Variants in CNTNAP2 observed in about 807,000 individuals in gnomAD.
The protein encoded by CNTNAP2 is contactin-associated protein-like 2.
In CNTNAP2, 98 loss-of-function variants were observed where a neutral mutation model predicts 155.2. The ratio of observed to expected loss-of-function variants is 0.63; its 90% CI spans 0.54 to 0.75. The LOEUF is 0.75. Among genes scored for constraint, CNTNAP2 ranks in the 30% least tolerant of loss-of-function variants. The pLI, the probability that CNTNAP2 is intolerant of heterozygous loss-of-function variation, is 0.00. For synonymous variants in CNTNAP2, 651 were observed against 631.2 expected (o/e 1.03, Z -0.47); for missense variants, 1,727 against 1,688.1 (o/e 1.02, Z -0.40).
chr7:146,386,209 C>T (rs1293978850), intron 1 of CNTNAP2, among the ~76,000 whole-genome samples: 1 of 152,060 alleles, frequency 6.6e-6, no homozygotes, highest in Admixed American at 6.6e-5. Context: ...TATCCTCCAA[C>T]ACCCAAACTC....
At chr7:147,490,696 T>C (rs182666382) in intron 11 of CNTNAP2, among the ~76,000 whole-genome samples, 125 of 152,240 alleles carry the variant, frequency 8.2e-4, no homozygotes, top group African/African-American at 2.7e-3. Context: ...ACAAGCAGCA[T>C]TGGGTAGAAT....
At chr7:146,359,756 G>C (rs1288078412) in intron 1 of CNTNAP2, among the ~76,000 whole-genome samples, 1 of 151,908 alleles carries the variant, frequency 6.6e-6, no homozygotes, top group African/African-American at 2.4e-5. Flanking sequence ...AAGTGACTTT[G>C]TAAAAGGAAT....
chr7:148,124,534 C>T (rs757545678), intron 16 of CNTNAP2, among the ~76,000 whole-genome samples: 27 of 152,144 alleles, frequency 1.8e-4, no homozygotes, highest in East Asian at 1.9e-4. Flanking sequence ...TGCTGGGAGG[C>T]GCTGGGGAAG....
chr7:147,796,698 T>C (rs1584959503), intron 13 of CNTNAP2, among the ~76,000 whole-genome samples: 1 of 152,252 alleles, frequency 6.6e-6, no homozygotes, highest in South Asian at 2.1e-4. Context: ...ACAAGGAAGC[T>C]TCTCTATAAC....
At chr7:146,152,204 T>C (rs1404749351) in intron 1 of CNTNAP2, among the ~76,000 whole-genome samples, 2 of 152,040 alleles carry the variant, frequency 1.3e-5, no homozygotes, top group Non-Finnish European at 2.9e-5. Flanking sequence ...TGAAATCCTG[T>C]CATTTTCAAT....
intron 8 of CNTNAP2, among the ~76,000 whole-genome samples, chr7:147,220,408 T>C (rs1346469928): frequency 1.3e-5 from 2 of 152,192 alleles, no homozygotes; most frequent in Non-Finnish European, 2.9e-5. Flanking sequence ...CAGAGTTGAG[T>C]CTTATTTCTT....
intron 1 of CNTNAP2, among the ~76,000 whole-genome samples, chr7:146,662,537 T>G (rs1390832251): frequency 3.9e-5 from 6 of 152,110 alleles, no homozygotes; most frequent in African/African-American, 1.2e-4. Flanking sequence ...ATTATATAGG[T>G]TTTTTTGCAA....
At chr7:146,920,414 TA>T (rs1009249712) in intron 3 of CNTNAP2, among the ~76,000 whole-genome samples, 86 of 144,262 alleles carry the variant, frequency 6.0e-4, no homozygotes, top group Middle Eastern at 3.5e-3. Context: ...GAAACTCCAT[TA>T]AAAAAAAAAA....
At chr7:146,823,187 A>G (rs1563246497) in intron 2 of CNTNAP2, among the ~76,000 whole-genome samples, 1 of 149,246 alleles carries the variant, frequency 6.7e-6, no homozygotes. Flanking sequence ...TTACATGGAA[A>G]TATACTCATT....
chr7:147,868,682 A>G (rs989179066), intron 13 of CNTNAP2, among the ~76,000 whole-genome samples: 2 of 152,160 alleles, frequency 1.3e-5, no homozygotes, highest in African/African-American at 2.4e-5. Context: ...GCAATGGTGG[A>G]CACCCCACCC....
At chr7:146,184,597 A>T (rs550983689) in intron 1 of CNTNAP2, among the ~76,000 whole-genome samples, 2 of 152,204 alleles carry the variant, frequency 1.3e-5, no homozygotes, top group East Asian at 3.9e-4. Flanking sequence ...GCTAAATACC[A>T]TACGTAGAAG....
intron 2 of CNTNAP2, among the ~76,000 whole-genome samples, chr7:146,822,864 T>G (rs530819271): frequency 2.8e-4 from 42 of 148,918 alleles, no homozygotes; most frequent in East Asian, 1.2e-3. Context: ...TATTTAAATG[T>G]AAATATACTC....
At chr7:147,510,197 G>T (rs1361660514) in intron 11 of CNTNAP2, among the ~76,000 whole-genome samples, 1 of 152,116 alleles carries the variant, frequency 6.6e-6, no homozygotes, top group Non-Finnish European at 1.5e-5. Flanking sequence ...CTGGGGTTCT[G>T]CGTATTCTAA....
At chr7:147,934,433 C>T (rs959165157) in intron 14 of CNTNAP2, among the ~76,000 whole-genome samples, 1 of 152,136 alleles carries the variant, frequency 6.6e-6, no homozygotes, top group African/African-American at 2.4e-5. Context: ...TCTCATTAGA[C>T]TTATTCACTA....
At chr7:147,536,488 GAC>G (rs1385730621) in intron 11 of CNTNAP2, among the ~76,000 whole-genome samples, 1 of 152,190 alleles carries the variant, frequency 6.6e-6, no homozygotes, top group Non-Finnish European at 1.5e-5. Context: ...ACACCAAAGG[GAC>G]AGAGAGGAGT....
intron 1 of CNTNAP2, among the ~76,000 whole-genome samples, chr7:146,575,480 T>C (rs1358812438): frequency 1.3e-5 from 2 of 152,168 alleles, no homozygotes; most frequent in African/African-American, 4.8e-5. Flanking sequence ...TTGTAATTAT[T>C]GGGGAATAGA....
intron 9 of CNTNAP2, among the ~76,000 whole-genome samples, chr7:147,317,776 A>ATATATG (rs1405297462): frequency 3.0e-5 from 4 of 134,242 alleles, no homozygotes; most frequent in South Asian, 2.2e-4. Flanking sequence ...ATATATATAT[A>ATATATG]TGTGTGTGTG....
chr7:147,238,129 C>T (rs1172308104), intron 8 of CNTNAP2, among the ~76,000 whole-genome samples: 1 of 152,204 alleles, frequency 6.6e-6, no homozygotes, highest in Non-Finnish European at 1.5e-5. Context: ...ATTCTCCTGC[C>T]TCGGCCTCCC....
At chr7:148,191,120 G>A (rs1795197370) in intron 18 of CNTNAP2, among the ~76,000 whole-genome samples, 1 of 152,180 alleles carries the variant, frequency 6.6e-6, no homozygotes, top group African/African-American at 2.4e-5. Context: ...CTTCAATGCA[G>A]AAGTGTTGGG....
Sources: gnomAD v4.1 joint callset for allele counts (sites outside exome capture counted in the v4.1 genomes callset) on GRCh38, gnomAD v4.1.1 for gene constraint, MANE v1.5 for transcripts, NCBI Gene and HGNC (gene_info 2026-07-23, HGNC 2026-07-21) for gene names.